SLURP2: variants seen among roughly 807,000 people sequenced by gnomAD.
The protein encoded by SLURP2 is secreted Ly-6/uPAR domain-containing protein 2.
SLURP2 carries 4 observed loss-of-function variants against 9.8 expected under a neutral mutation model. That is an observed-to-expected ratio of 0.41 (90% CI 0.20 to 0.94). The LOEUF (loss-of-function observed/expected upper bound fraction) is 0.94. Ranked by LOEUF, SLURP2 falls within the 40% of genes least tolerant of loss-of-function variation. The pLI is 0.32. For synonymous variants in SLURP2, 58 were observed against 56.2 expected, an observed-to-expected ratio of 1.03 and a Z score of -0.15; for missense variants, 118 against 126.4, an observed-to-expected ratio of 0.93 and a Z score of 0.32.
rs587758773 is a variant in SLURP2 at position 142,765,727 on chromosome 8, G to A, written c.53-587C>T. 6.6e-5 allele frequency among the ~76,000 whole-genome samples: 10 copies of A among 152,246 alleles called. No homozygotes were observed. The East Asian group carries it at 1.2e-3, about 18-fold the overall frequency. ...TGTAATCCCAGCACTTTGGGAGGCCGAGGTGGGTGGATCACTTGAGGTCAG... is the reference window on the plus strand; with the variant it reads ...TGTAATCCCAGCACTTTGGGAGGCCAAGGTGGGTGGATCACTTGAGGTCAG... On this transcript the variant is annotated intron_variant, in intron 1 of 2. Coordinates refer to ENST00000317543, the MANE Select transcript of SLURP2 (RefSeq NM_177458.3).
At chr8:142,766,646 T>G (rs1815018135) in intron 1 of SLURP2, among the ~76,000 whole-genome samples, 1 of 152,192 alleles carries the variant, frequency 6.6e-6, no homozygotes. Context: ...TCTCTGCCCC[T>G]CTTCATCCCT....
chr8:142,764,581 C>T lies in SLURP2; in HGVS notation c.*24G>A, dbSNP rs192316016. ...GTGGGGGCTGTGGGGGCTGAGCGTCCGGGGGCCTGGAGGAGGGCAGCCGTC... is the reference window on the plus strand; with the variant it reads ...GTGGGGGCTGTGGGGGCTGAGCGTCTGGGGGCCTGGAGGAGGGCAGCCGTC... On this transcript the variant is annotated 3_prime_UTR_variant, in exon 3 of 3. Transcript: ENST00000317543. 4.9e-5 allele frequency: 78 copies of T among 1,597,060 alleles called. No individual in the cohort carries two copies. Among genetic ancestry groups the T allele is most frequent in the Middle Eastern group, 1.7e-4 (1 of 5,938 alleles).
At position 142,764,447 on chromosome 8, in the gene SLURP2, AC is replaced by A. The variant is rs1174668160; in HGVS notation, c.*157del. On this transcript the variant is annotated 3_prime_UTR_variant, in exon 3 of 3. Coordinates refer to ENST00000317543, the MANE Select transcript of SLURP2 (RefSeq NM_177458.3). Reference sequence around the variant, plus strand: ...CGGCAGCAGATTGAGGCAAGACTCCACGCAGGACTTCCCTAGGACAAGCGGT... The same window carrying A: ...CGGCAGCAGATTGAGGCAAGACTCCAGCAGGACTTCCCTAGGACAAGCGGT... The A allele has an allele frequency of 2.5e-6, 2 of 814,858 alleles. No homozygotes were observed. The highest frequency in any genetic ancestry group is 4.2e-5 in the Admixed American group (2 of 47,382). The allele number at this position is 814,858 out of a possible 1,614,324, so 50.5% of individuals were successfully genotyped here.
rs1587604051 is a variant in SLURP2, at chr8:142,766,110, G to C, written c.53-970C>G. 3 of 152,178 alleles carry C rather than the reference G, an allele frequency of 2.0e-5. No homozygotes were observed. The South Asian group carries it at 6.2e-4, about 32-fold the overall frequency. The allele number at this position is 152,178 out of a possible 1,614,324, so 9.4% of individuals were successfully genotyped here. On this transcript the variant is annotated intron_variant, in intron 1 of 2. Transcript: ENST00000317543. ...TTCCCTGCCTGTTCCTCTGTGGCTAGTGAGCCTTCTCTCTCCTCCTTTCCC... is the reference window on the plus strand; with the variant it reads ...TTCCCTGCCTGTTCCTCTGTGGCTACTGAGCCTTCTCTCTCCTCCTTTCCC...
chr8:142,769,401 G>T lies in SLURP2; in HGVS notation c.52+354C>A, dbSNP rs749219451. 2.1e-3 allele frequency among the ~76,000 whole-genome samples: 314 copies of T among 151,930 alleles called. 2 individuals are homozygous for T. Among genetic ancestry groups the T allele is most frequent in the Admixed American group, 4.8e-3 (73 of 15,266 alleles). On this transcript the variant is annotated intron_variant, in intron 1 of 2. Coordinates refer to ENST00000317543, the MANE Select transcript of SLURP2 (RefSeq NM_177458.3). Reference sequence around the variant, plus strand: ...CCAGCTGGGAGGCCAGGCCCAAGAGGGCTGGAGGGGGGCACATTCAGAGTG... The same window carrying T: ...CCAGCTGGGAGGCCAGGCCCAAGAGTGCTGGAGGGGGGCACATTCAGAGTG...
chr8:142,767,997 G>A (rs1815055424), intron 1 of SLURP2, among the ~76,000 whole-genome samples: 1 of 151,924 alleles, frequency 6.6e-6, no homozygotes, highest in South Asian at 2.1e-4. Flanking sequence ...TTATCAGAGG[G>A]TTTTTGATTT....
intron 1 of SLURP2, chr8:142,766,212 GT>G (rs2130069623): frequency 1.3e-5 from 2 of 152,268 alleles, no homozygotes; most frequent in East Asian, 3.9e-4. Flanking sequence ...CGTAAAACAT[GT>G]TTTTCCTTCA....
chr8:142,765,476 G>T (rs1216793395), intron 1 of SLURP2, among the ~76,000 whole-genome samples: 1 of 149,070 alleles, frequency 6.7e-6, no homozygotes, highest in Non-Finnish European at 1.5e-5. Flanking sequence ...GGTGGGGGGT[G>T]GGGAGGAGGT....
chr8:142,765,047 G>A lies in SLURP2; in HGVS notation c.146C>T (p.Thr49Ile). 3 of 1,611,688 alleles carry A rather than the reference G, an allele frequency of 1.9e-6. No homozygotes were observed. Among genetic ancestry groups the A allele is most frequent in the Non-Finnish European group, 2.5e-6 (3 of 1,179,164 alleles). Residue 49 changes from threonine (T) to isoleucine (I), a missense_variant, in exon 2 of 3, where the codon ACC becomes ATC. Coordinates refer to ENST00000317543, the MANE Select transcript of SLURP2 (RefSeq NM_177458.3). Reference protein sequence around the residue: ...RCLRDSTHCVTTATRVLSNTE... With the variant: ...RCLRDSTHCVITATRVLSNTE... ...CTGTTCCCACTTACGGGTGGCAGTG[G>A]TGACACAGTGGGTGGAGTCCCTCAG... is the stretch of plus-strand genomic sequence containing the variant.
intron 1 of SLURP2, among the ~76,000 whole-genome samples, chr8:142,765,900 T>C (rs374208237): frequency 4.1e-4 from 62 of 151,312 alleles, no homozygotes; most frequent in African/African-American, 1.5e-3. Context: ...GAGGCAGAGG[T>C]TGCAGTGAGC....
chr8:142,764,794 G>A (rs1178162417), intron 2 of SLURP2, 53 bp from the exon 3 acceptor site: 2 of 1,600,098 alleles, frequency 1.2e-6, no homozygotes, highest in Non-Finnish European at 1.7e-6. Context: ...GGTTTGCCCA[G>A]ACCCTGCTGC....
At chr8:142,765,975 AAAAAACAAAAAAC>A (rs1303291635) in intron 1 of SLURP2, among the ~76,000 whole-genome samples, 30 of 74,140 alleles carry the variant, frequency 4.0e-4, no homozygotes, top group African/African-American at 1.4e-3. Flanking sequence ...AAAAAAAAAC[AAAAAACAAAAAAC>A]AAAAAACAAA....
chr8:142,769,707 G>C lies in SLURP2; in HGVS notation c.52+48C>G, dbSNP rs912012792. On this transcript the variant is annotated intron_variant, in intron 1 of 2. Coordinates refer to ENST00000317543, the MANE Select transcript of SLURP2 (RefSeq NM_177458.3). ...GGCTGGAGGGACGGTGGTTGGGCTA[G>C]AGTGATGGGGGCCTTGAGCAGGAGG... The C allele has an allele frequency of 7.1e-6, 11 of 1,551,324 alleles. No individual in the cohort carries two copies. In the African/African-American group the frequency reaches 1.2e-4, roughly 17 times the overall value.
At position 142,764,436 on chromosome 8, in the gene SLURP2, G is replaced by A. The variant is rs2130060602; in HGVS notation, c.*169C>T. On this transcript the variant is annotated 3_prime_UTR_variant, in exon 3 of 3. Coordinates refer to ENST00000317543, the MANE Select transcript of SLURP2 (RefSeq NM_177458.3). ...CCAGGCTTGGACGGCAGCAGATTGA[G>A]GCAAGACTCCACGCAGGACTTCCCT... 1.3e-6 allele frequency: 1 copy of A among 767,348 alleles called. No homozygotes were observed. Among genetic ancestry groups the A allele is most frequent in the African/African-American group, 1.7e-5 (1 of 57,908 alleles). 47.5% of individuals were successfully genotyped at this position (767,348 alleles called of 1,614,324 possible).
Position 142,765,055 on chromosome 8 carries a change from G to A in SLURP2, c.138C>T (p.His46=). The change falls in exon 2 of 3, where the codon CAC becomes CAT. Residue 46 remains histidine, a synonymous_variant. Transcript: ENST00000317543. ...ACTTACGGGTGGCAGTGGTGACACA[G>A]TGGGTGGAGTCCCTCAGGCATCTGG... ...HGSRCLRDST[H]CVTTATRVLS... 1 of 1,612,366 alleles carries A rather than the reference G, an allele frequency of 6.2e-7. No individual in the cohort carries two copies. Among genetic ancestry groups the A allele is most frequent in the South Asian group, 1.1e-5 (1 of 90,732 alleles).
Position 142,768,852 on chromosome 8 carries a change from C to T in SLURP2, c.52+903G>A, listed in dbSNP as rs764280593. Among the ~76,000 whole-genome samples, 2 of 152,058 alleles carry T rather than the reference C, an allele frequency of 1.3e-5. No individual in the cohort carries two copies. Among genetic ancestry groups the T allele is most frequent in the African/African-American group, 2.4e-5 (1 of 41,408 alleles). Reference sequence around the variant, plus strand: ...GATGTAAGAGACACCTGAGCCAGCGCCAGGGACTCACCGACGCTCCACCCC... The same window carrying T: ...GATGTAAGAGACACCTGAGCCAGCGTCAGGGACTCACCGACGCTCCACCCC... On this transcript the variant is annotated intron_variant, in intron 1 of 2. Coordinates refer to ENST00000317543, the MANE Select transcript of SLURP2 (RefSeq NM_177458.3). The surrounding 1 kb of genome is among the most constrained non-coding windows in gnomAD (Gnocchi z 4.8).
At chr8:142,766,514 T>A (rs1433730621) in intron 1 of SLURP2, 1 of 152,180 alleles carries the variant, frequency 6.6e-6, no homozygotes, top group Non-Finnish European at 1.5e-5. Context: ...CTGCCTCACT[T>A]TACCCAGGAG....
chr8:142,766,124 T>C (rs1014827925), intron 1 of SLURP2: 7 of 151,492 alleles, frequency 4.6e-5, no homozygotes, highest in African/African-American at 1.7e-4. Context: ...GCCTTCTCTC[T>C]CCTCCTTTCC....
chr8:142,764,499 G>A lies in SLURP2; in HGVS notation c.*106C>T. The A allele has an allele frequency of 8.5e-7, 1 of 1,174,816 alleles. No homozygotes were observed. The highest frequency in any genetic ancestry group is 1.2e-6 in the Non-Finnish European group (1 of 810,354). The allele number at this position is 1,174,816 out of a possible 1,614,324, so 72.8% of individuals were successfully genotyped here. On this transcript the variant is annotated 3_prime_UTR_variant, in exon 3 of 3. Coordinates refer to ENST00000317543, the MANE Select transcript of SLURP2 (RefSeq NM_177458.3). The stretch of plus-strand genomic sequence containing the variant: ...GCTGGACGGTGGCTGCAGAGGCCGG[G>A]AGAGGTGGGCTGGCCAGTCTCGAGG...
Sources: gnomAD v4.1 joint callset for allele counts (sites outside exome capture counted in the v4.1 genomes callset) on GRCh38, gnomAD v4.1.1 for gene constraint, Gnocchi (gnomAD v3.1) non-coding constraint, MANE v1.5 for transcripts, NCBI Gene and HGNC (gene_info 2026-07-23, HGNC 2026-07-21) for gene names.